Variants in ZBTB20 observed in about 807,000 individuals in gnomAD.
ZBTB20 encodes the protein zinc finger and BTB domain containing 20.
Under a neutral mutation model 56.9 loss-of-function variants are expected in ZBTB20, and 9 were observed. The observed-to-expected ratio is 0.16, with a 90% CI of 0.10 to 0.28. The LOEUF (loss-of-function observed/expected upper bound fraction) is 0.28. Ranked by LOEUF, ZBTB20 falls within the 10% of genes least tolerant of loss-of-function variation. ZBTB20 has a pLI of 1.00. For synonymous variants in ZBTB20, 417 were observed against 420.7 expected, an observed-to-expected ratio of 0.99 and a Z score of 0.11; for missense variants, 655 against 1,003.0, an observed-to-expected ratio of 0.65 and a Z score of 4.69.
intron 6 of ZBTB20, among the ~76,000 whole-genome samples, chr3:114,657,586 A>G (rs1578192998): frequency 6.6e-6 from 1 of 152,110 alleles, no homozygotes; most frequent in Non-Finnish European, 1.5e-5. Context: ...TCCTTCCTCA[A>G]TTTCAGCTAC....
intron 1 of ZBTB20, among the ~76,000 whole-genome samples, chr3:115,119,450 A>T (rs999964989): frequency 6.6e-6 from 1 of 152,170 alleles, no homozygotes; most frequent in Non-Finnish European, 1.5e-5. Context: ...CCATATTCAG[A>T]CACTGTGCTA....
At chr3:114,866,852 C>T (rs566221477) in intron 4 of ZBTB20, among the ~76,000 whole-genome samples, 7 of 152,276 alleles carry the variant, frequency 4.6e-5, no homozygotes, top group Non-Finnish European at 8.8e-5. Flanking sequence ...TGGACTAACG[C>T]AATTGGCTCT....
chr3:114,594,875 G>A (rs1006122012), intron 6 of ZBTB20, among the ~76,000 whole-genome samples: 26 of 152,108 alleles, frequency 1.7e-4, no homozygotes, highest in Non-Finnish European at 7.4e-5. Context: ...CCACAAAAAC[G>A]GATCTAACTA....
chr3:114,457,521 T>G (rs1262457592), intron 7 of ZBTB20, among the ~76,000 whole-genome samples: 1 of 152,200 alleles, frequency 6.6e-6, no homozygotes, highest in African/African-American at 2.4e-5. Flanking sequence ...AGTTTAGAAC[T>G]AAATTCCTAA....
chr3:114,651,116 T>C (rs542421144), intron 6 of ZBTB20, among the ~76,000 whole-genome samples: 6 of 152,214 alleles, frequency 3.9e-5, no homozygotes, highest in Admixed American at 3.9e-4. Flanking sequence ...GGCTAGAATA[T>C]GTGTTTAAAA....
chr3:114,568,216 T>C (rs2053014490), intron 6 of ZBTB20, among the ~76,000 whole-genome samples: 2 of 152,034 alleles, frequency 1.3e-5, no homozygotes, highest in African/African-American at 4.8e-5. Context: ...TTAGTAAAAT[T>C]CCCCTCTACT....
At chr3:114,531,345 C>T (rs1247986603) in intron 6 of ZBTB20, among the ~76,000 whole-genome samples, 1 of 152,064 alleles carries the variant, frequency 6.6e-6, no homozygotes, top group East Asian at 1.9e-4. Context: ...GAGATTTTAG[C>T]CTAAGTTTGA....
intron 6 of ZBTB20, among the ~76,000 whole-genome samples, chr3:114,642,442 A>G (rs1316537279): frequency 6.6e-6 from 1 of 152,054 alleles, no homozygotes; most frequent in Admixed American, 6.6e-5. Context: ...CAAATTGCTC[A>G]GGGTGAAAAA....
At chr3:114,889,488 A>G (rs993233362) in intron 4 of ZBTB20, among the ~76,000 whole-genome samples, 3 of 152,054 alleles carry the variant, frequency 2.0e-5, no homozygotes, top group Middle Eastern at 3.2e-3. Flanking sequence ...TATAAGTTCA[A>G]TAAGATGTGA....
At chr3:114,605,804 G>C (rs1161532910) in intron 6 of ZBTB20, among the ~76,000 whole-genome samples, 1 of 151,946 alleles carries the variant, frequency 6.6e-6, no homozygotes, top group African/African-American at 2.4e-5. Context: ...TGAGAGGATA[G>C]AAAGGGATTC....
intron 11 of ZBTB20, among the ~76,000 whole-genome samples, chr3:114,345,807 C>G (rs1192913382): frequency 1.3e-5 from 2 of 152,186 alleles, no homozygotes; most frequent in Non-Finnish European, 2.9e-5. Flanking sequence ...CCTTCCACAT[C>G]CATGTTGACA....
intron 5 of ZBTB20, chr3:114,758,804 A>G (rs2068214434): frequency 6.6e-6 from 1 of 152,152 alleles, no homozygotes; most frequent in South Asian, 2.1e-4. Flanking sequence ...TGATTTTAAA[A>G]ACTCACCAGA....
intron 4 of ZBTB20, among the ~76,000 whole-genome samples, chr3:114,827,383 A>T (rs1179714271): frequency 6.6e-6 from 1 of 151,790 alleles, no homozygotes; most frequent in Non-Finnish European, 1.5e-5. Context: ...AGGCCGGGAC[A>T]AAGGTACTAC....
intron 4 of ZBTB20, among the ~76,000 whole-genome samples, chr3:114,864,777 A>G (rs973290520): frequency 6.6e-6 from 1 of 152,158 alleles, no homozygotes; most frequent in Non-Finnish European, 1.5e-5. Context: ...TGAGAAGTAT[A>G]CAAAAGTGTT....
At chr3:114,774,125 T>C (rs1042605367) in intron 5 of ZBTB20, among the ~76,000 whole-genome samples, 3 of 152,150 alleles carry the variant, frequency 2.0e-5, no homozygotes, top group African/African-American at 7.2e-5. Flanking sequence ...TGAAAACAAA[T>C]ACTTTTGCAA....
At chr3:114,537,146 A>G (rs1054221876) in intron 6 of ZBTB20, among the ~76,000 whole-genome samples, 3 of 152,248 alleles carry the variant, frequency 2.0e-5, no homozygotes, top group African/African-American at 7.2e-5. Context: ...ATGGGATCTA[A>G]TTAAACTAAA....
intron 3 of ZBTB20, among the ~76,000 whole-genome samples, chr3:114,908,419 G>T (rs2107697022): frequency 6.6e-6 from 1 of 152,118 alleles, no homozygotes; most frequent in Admixed American, 6.6e-5. Context: ...AATAACCTGA[G>T]AAATTTAGGG....
At chr3:114,706,317 G>C (rs2063713573) in intron 5 of ZBTB20, among the ~76,000 whole-genome samples, 1 of 152,134 alleles carries the variant, frequency 6.6e-6, no homozygotes, top group Admixed American at 6.5e-5. Flanking sequence ...GTATATTTAA[G>C]AAGTCTATTT....
intron 1 of ZBTB20, among the ~76,000 whole-genome samples, chr3:115,117,874 A>G (rs2084065220): frequency 6.6e-6 from 1 of 152,194 alleles, no homozygotes; most frequent in South Asian, 2.1e-4. Flanking sequence ...TTAGCTTTTC[A>G]TCTTACTCTT....
Sources: allele counts gnomAD v4.1 joint callset (sites outside exome capture counted in the v4.1 genomes callset), GRCh38; gene constraint gnomAD v4.1.1; transcripts MANE v1.5; gene names NCBI Gene and HGNC (gene_info 2026-07-23, HGNC 2026-07-21).